The following EPHB1 variants were observed in gnomAD, a reference collection of about 807,000 sequenced individuals.
EPHB1 encodes the protein EPH receptor B1.
A neutral mutation model predicts 94.4 loss-of-function variants in EPHB1; 30 were observed. The observed-to-expected ratio is 0.32, with a 90% confidence interval of 0.24 to 0.43. The LOEUF (loss-of-function observed/expected upper bound fraction) is 0.43. Among genes scored for constraint, EPHB1 ranks in the 20% least tolerant of loss-of-function variants. The pLI, the probability that EPHB1 is intolerant of heterozygous loss-of-function variation, is 1.00. For synonymous variants in EPHB1, 522 were observed against 489.1 expected (o/e 1.07, Z -0.89); for missense variants, 1,055 against 1,308.3 (o/e 0.81, Z 2.99).
chr3:134,915,694 C>T (rs1315623797), intron 1 of EPHB1, among the ~76,000 whole-genome samples: 1 of 152,140 alleles, frequency 6.6e-6, no homozygotes, highest in East Asian at 1.9e-4. Flanking sequence ...AGCTGCAGAC[C>T]TTCGCAGTGA....
chr3:135,009,016 C>T (rs573527079), intron 3 of EPHB1, among the ~76,000 whole-genome samples: 1 of 152,320 alleles, frequency 6.6e-6, no homozygotes, highest in East Asian at 1.9e-4. Context: ...CCATCCTACT[C>T]TGTTGCAGAG....
chr3:135,130,630 G>T (rs1439958917), intron 4 of EPHB1, among the ~76,000 whole-genome samples: 11 of 152,170 alleles, frequency 7.2e-5, no homozygotes, highest in Non-Finnish European at 1.0e-4. Flanking sequence ...AAGCTCAAAG[G>T]AGAGAGGAAA....
chr3:135,111,304 G>A (rs1156711735), intron 4 of EPHB1, among the ~76,000 whole-genome samples: 1 of 152,228 alleles, frequency 6.6e-6, no homozygotes, highest in African/African-American at 2.4e-5. Context: ...GAGAAGCTCT[G>A]GAGGTGGAGC....
At chr3:135,210,256 A>G (rs1363935822) in intron 12 of EPHB1, among the ~76,000 whole-genome samples, 1 of 152,202 alleles carries the variant, frequency 6.6e-6, no homozygotes, top group Admixed American at 6.5e-5. Context: ...AAAATTTTCC[A>G]TATGATTTTG....
chr3:134,998,962 C>T (rs944194037), intron 3 of EPHB1, among the ~76,000 whole-genome samples: 2 of 152,154 alleles, frequency 1.3e-5, no homozygotes, highest in African/African-American at 4.8e-5. Flanking sequence ...AAAGAAGTCA[C>T]AGTCAGAGAG....
intron 10 of EPHB1, among the ~76,000 whole-genome samples, chr3:135,191,841 G>A (rs28594191): frequency 2.0e-5 from 3 of 152,034 alleles, no homozygotes; most frequent in African/African-American, 7.3e-5. Flanking sequence ...GGTCGGCCCC[G>A]GCTTTCCTGC....
intron 5 of EPHB1, among the ~76,000 whole-genome samples, chr3:135,140,132 A>T (rs947726162): frequency 6.6e-6 from 1 of 152,168 alleles, no homozygotes; most frequent in African/African-American, 2.4e-5. Flanking sequence ...CCCTGTAAGG[A>T]TCTCATATCC....
intron 1 of EPHB1, among the ~76,000 whole-genome samples, chr3:134,888,483 G>A (rs2037902600): frequency 6.6e-6 from 1 of 152,158 alleles, no homozygotes; most frequent in African/African-American, 2.4e-5. Context: ...GCAGAGGCGG[G>A]CACATCACAA....
rs35841212 is a variant in EPHB1, at chr3:134,810,276, A to AGTGTGTGTGTGTGTGT, written c.58+14606_58+14621dup. Among the ~76,000 whole-genome samples the AGTGTGTGTGTGTGTGT allele has an allele frequency of 8.2e-3, 1,197 of 145,860 alleles. 9 individuals carry two copies. Among genetic ancestry groups the AGTGTGTGTGTGTGTGT allele is most frequent in the East Asian group, 0.033 (161 of 4,864 alleles). On this transcript the variant is annotated intron_variant, in intron 1 of 15. Transcript: ENST00000398015. ...CTTGAAGCGTGGGTAGCACAGGAGG[A>AGTGTGTGTGTGTGTGT]GTGTGTGTGTGTGTGTGTGTGTGTG...
chr3:135,046,049 G>A (rs115258841), intron 3 of EPHB1, among the ~76,000 whole-genome samples: 3,122 of 152,304 alleles, frequency 0.02, 99 homozygotes, highest in African/African-American at 0.071. Context: ...GGAAGCAAAA[G>A]TGAGGCTATA....
chr3:135,186,278 G>T (rs1360722933), intron 10 of EPHB1, among the ~76,000 whole-genome samples: 3 of 152,174 alleles, frequency 2.0e-5, no homozygotes, highest in African/African-American at 7.2e-5. Context: ...CAACTCAGTG[G>T]CCTGGTAATG....
At chr3:135,030,716 G>A (rs926566883) in intron 3 of EPHB1, among the ~76,000 whole-genome samples, 13 of 152,230 alleles carry the variant, frequency 8.5e-5, no homozygotes, top group Non-Finnish European at 1.6e-4. Flanking sequence ...AGCCTACAGA[G>A]GCAGGCAGGC....
chr3:135,241,197 G>A lies in EPHB1; in HGVS notation c.2396G>A (p.Arg799His), dbSNP rs533462328. 26 of 1,614,172 alleles carry A rather than the reference G, an allele frequency of 1.6e-5. No homozygotes were observed. The highest frequency in any genetic ancestry group is 2.2e-5 in the East Asian group (1 of 44,868). ...RWTAPEAIAY[R>H]KFTSASDVWS... ...ACAGCTCCAGAGGCCATCGCCTACC[G>A]CAAGTTCACTTCAGCCAGCGACGTT... Residue 799 changes from arginine to histidine, a missense_variant, in exon 13 of 16, where the codon CGC becomes CAC. By Grantham distance (29) the Arg-to-His change is conservative. Transcript: ENST00000398015.
At chr3:135,161,310 T>G (rs1402218353) in intron 6 of EPHB1, among the ~76,000 whole-genome samples, 1 of 150,872 alleles carries the variant, frequency 6.6e-6, no homozygotes. Flanking sequence ...CCAGAGTAGG[T>G]GGGGGGGATG....
At chr3:135,097,687 G>A (rs2107794836) in intron 3 of EPHB1, among the ~76,000 whole-genome samples, 1 of 152,304 alleles carries the variant, frequency 6.6e-6, no homozygotes, top group South Asian at 2.1e-4. Flanking sequence ...TTCAGCAAGT[G>A]TCATCATGAG....
Position 135,119,633 on chromosome 3 carries a change from G to A in EPHB1, c.961+13030G>A, listed in dbSNP as rs542842921. 5.9e-5 allele frequency among the ~76,000 whole-genome samples: 9 copies of A among 152,152 alleles called. No individual in the cohort carries two copies. The South Asian group carries it at 1.9e-3, about 32-fold the overall frequency. ...TGCCTGGCTAATTTTTGTATTTTTA[G>A]TAGAGGTGGGGTTTTGCCATGTTGG... On this transcript the variant is annotated intron_variant, in intron 4 of 15. Coordinates refer to ENST00000398015, the MANE Select transcript of EPHB1 (RefSeq NM_004441.5).
At chr3:135,222,474 G>A (rs1053073916) in intron 12 of EPHB1, among the ~76,000 whole-genome samples, 6 of 152,238 alleles carry the variant, frequency 3.9e-5, no homozygotes, top group Admixed American at 2.0e-4. Context: ...ATAGGGGCAC[G>A]CTTTCTTCCA....
At chr3:135,180,051 G>C in intron 10 of EPHB1, 69 bp downstream of exon 10, 1 of 1,585,944 alleles carries the variant, frequency 6.3e-7, no homozygotes, top group Non-Finnish European at 8.6e-7. Flanking sequence ...CACCCTAGAT[G>C]GTCTCTTTCA....
In EPHB1 at chr3:134,829,494, C is replaced by G. The variant is rs143565835; in HGVS notation, c.58+33805C>G. On this transcript the variant is annotated intron_variant, in intron 1 of 15. Transcript: ENST00000398015. ...ATCCCCTCAATAATGCTTTCCTCCC[C>G]TGCACACCTTCCCTTCAATCCTTCT... 1.9e-4 allele frequency among the ~76,000 whole-genome samples: 29 copies of G among 152,310 alleles called. 1 individual carries two copies. The East Asian group carries it at 5.2e-3, about 27-fold the overall frequency.
Sources: gnomAD v4.1 joint callset for allele counts (sites outside exome capture counted in the v4.1 genomes callset) on GRCh38, gnomAD v4.1.1 for gene constraint, MANE v1.5 for transcripts, NCBI Gene and HGNC (gene_info 2026-07-23, HGNC 2026-07-21) for gene names.